The following POLG variants were observed in gnomAD, a reference collection of about 807,000 sequenced individuals.
POLG encodes DNA polymerase gamma, catalytic subunit.
Under a neutral mutation model 155.4 loss-of-function variants are expected in POLG, and 110 were observed. That is an observed-to-expected ratio of 0.71 (90% confidence interval 0.61 to 0.83). The LOEUF is 0.83. Ranked by LOEUF, POLG falls within the 40% of genes least tolerant of loss-of-function variation. The probability of loss-of-function intolerance (pLI) is 0.00; values close to 1 mark genes in which losing one functional copy is unlikely to be tolerated. For synonymous variants in POLG, 701 were observed against 631.5 expected (o/e 1.11, Z -1.65); for missense variants, 1,685 against 1,627.5 (o/e 1.04, Z -0.61).
chr15:89,325,315 T>TGTGTG (rs1555453409), intron 10 of POLG, 135 bp downstream of exon 10: 61 of 690,308 alleles, frequency 8.8e-5, no homozygotes, highest in East Asian at 1.7e-4. Context: ...TGTGTGTGTG[T>TGTGTG]TAATTTTTTT....
At chr15:89,318,509 T>C in intron 21 of POLG, 32 bp downstream of exon 21, 2 of 1,596,372 alleles carry the variant, frequency 1.3e-6, no homozygotes, top group Non-Finnish European at 1.7e-6. Flanking sequence ...TAGGAGCACA[T>C]GGCCAGGCTA....
chr15:89,319,315 C>G lies in POLG; in HGVS notation c.3017G>C (p.Arg1006Thr). 6.2e-7 allele frequency: 1 copy of G among 1,614,168 alleles called. No individual in the cohort carries two copies. The part of the protein sequence containing the change: ...RLSDEGEWLV[R>T]ELNLPVDRTE... ...CCTGTCCACTGGGAGGTTCAACTCCCTCACCAGCCACTCGCCCTCATCCGA... is the reference window on the plus strand; with the variant it reads ...CCTGTCCACTGGGAGGTTCAACTCCGTCACCAGCCACTCGCCCTCATCCGA... Residue 1006 changes from arginine (R) to threonine (T), a missense_variant, in exon 19 of 23, where the codon AGG (arginine) becomes ACG (threonine). By Grantham distance (71) the Arg-to-Thr change is moderately conservative. Around this residue, in one of 3 missense-constraint regions of POLG, gnomAD observed 470 missense variants for 439.9 expected, o/e 1.07. Transcript: ENST00000268124.
At position 89,327,229 on chromosome 15, in the gene POLG, C is replaced by G. The variant is rs1567191387; in HGVS notation, c.1371G>C (p.Arg457=). 6.2e-7 allele frequency: 1 copy of G among 1,614,130 alleles called. No homozygotes were observed. The highest frequency in any genetic ancestry group is 1.1e-5 in the South Asian group (1 of 91,092). ...GATCCATCAACGACTTCTTCATCTC[C>G]CGCTGGAGCTCCTCATAAGTGCCCT... The part of the protein sequence containing the change: ...EAQGTYEELQ[R]EMKKSLMDLA... Residue 457 remains arginine (R), a synonymous_variant, in exon 7 of 23, where the codon CGG becomes CGC. Transcript: ENST00000268124.
Position 89,333,196 on chromosome 15 carries a change from C to T in POLG, c.559G>A (p.Val187Met). The change falls in exon 2 of 23, where the codon GTG (valine) becomes ATG (methionine). Residue 187 changes from valine to methionine, a missense_variant. By Grantham distance (21) the Val-to-Met change is conservative (BLOSUM62 1). This residue lies in a region of POLG where 1,210 missense variants were observed against 1,167.1 expected (regional missense o/e 1.04). Coordinates refer to ENST00000268124, the MANE Select transcript of POLG (RefSeq NM_002693.3). ...AGGGCCCGCTCCTCGGGGATGGCCA[C>T]GGGTACGGCCTCCCCCTCGGGGCCG... ...RYGPEGEAVP[V>M]AIPEERALVF... The T allele has an allele frequency of 6.4e-7, 1 of 1,571,338 alleles. No individual in the cohort carries two copies.
intron 2 of POLG, among the ~76,000 whole-genome samples, chr15:89,331,814 G>C (rs2055597731): frequency 6.7e-6 from 1 of 149,474 alleles, no homozygotes; most frequent in Admixed American, 6.7e-5. Flanking sequence ...GAAGGTCCCA[G>C]CATGAGCCCA....
rs368137494 is a variant in POLG at position 89,333,430 on chromosome 15, T to C, written c.325A>G (p.Lys109Glu). The stretch of plus-strand genomic sequence containing the variant: ...GCTGGCTGCCCCCAGAGCCCGTGCT[T>C]CTGCAGGTGCTCGACGCTGCGGCGC... The part of the protein sequence containing the change: ...AVRRSVEHLQ[K>E]HGLWGQPAVP... The change falls in exon 2 of 23, where the codon AAG becomes GAG. Residue 109 changes from lysine (K) to glutamate (E), a missense_variant. By Grantham distance (56) the Lys-to-Glu change is moderately conservative. This residue lies in a region of POLG where 1,210 missense variants were observed against 1,167.1 expected (regional missense o/e 1.04). Transcript: ENST00000268124. 4.4e-6 allele frequency: 7 copies of C among 1,608,906 alleles called. No homozygotes were observed. Among genetic ancestry groups the C allele is most frequent in the African/African-American group, 4.0e-5 (3 of 75,036 alleles).
chr15:89,318,891 C>A, intron 20 of POLG, 40 bp downstream of exon 20: 1 of 1,612,360 alleles, frequency 6.2e-7, no homozygotes. Flanking sequence ...CCTGCCCTCC[C>A]TGGGGCCCCT....
chr15:89,331,308 C>T (rs145427032), intron 2 of POLG, among the ~76,000 whole-genome samples: 2 of 152,116 alleles, frequency 1.3e-5, no homozygotes, highest in East Asian at 1.9e-4. Flanking sequence ...CACCCCCCCA[C>T]ATTTTAATTC....
chr15:89,318,723 C>T lies in POLG; in HGVS notation c.3300G>A (p.Val1100=). The change falls in exon 21 of 23, where the codon GTG becomes GTA. Residue 1100 remains valine (V), a synonymous_variant. Coordinates refer to ENST00000268124, the MANE Select transcript of POLG (RefSeq NM_002693.3). ...EEFMTSRVNW[V]VQSSAVDYLH... ...AGTAGTCAACAGCAGAGCTCTGTAC[C>T]ACCCAATTCACACGGCTGGTCATAA... is the stretch of plus-strand genomic sequence containing the variant. The T allele has an allele frequency of 6.2e-7, 1 of 1,614,170 alleles. No homozygotes were observed. The highest frequency in any genetic ancestry group is 1.1e-5 in the South Asian group (1 of 91,086).
At chr15:89,322,104 C>T (rs1410631019) in intron 14 of POLG, 89 bp from the exon 15 acceptor site, 1 of 1,222,790 alleles carries the variant, frequency 8.2e-7, no homozygotes, top group Non-Finnish European at 1.2e-6. Context: ...TGCCCACCTC[C>T]AGGACTGCTA....
At position 89,325,165 on chromosome 15, in the gene POLG, AGT is replaced by A. The variant is rs1269207882; in HGVS notation, c.1949+283_1949+284del. Reference sequence around the variant, plus strand: ...GAGAGAGTGAGTGAGTGAGTGAGTGAGTGAGAGAGTGAGAGAGTGAGTGAGTG... The same window carrying A: ...GAGAGAGTGAGTGAGTGAGTGAGTGAGAGAGAGTGAGAGAGTGAGTGAGTG... On this transcript the variant is annotated intron_variant, in intron 10 of 22. Coordinates refer to ENST00000268124, the MANE Select transcript of POLG (RefSeq NM_002693.3). Among the ~76,000 whole-genome samples the A allele has an allele frequency of 1.8e-3, 166 of 90,308 alleles. 27 individuals are homozygous for A. The highest frequency in any genetic ancestry group is 0.015 in the East Asian group (40 of 2,732). 59.2% of individuals were successfully genotyped at this position (90,308 alleles called of 152,430 possible).
chr15:89,325,175 T>TGAGTGAGA (rs2055482342), intron 10 of POLG, among the ~76,000 whole-genome samples: 3 of 49,420 alleles, frequency 6.1e-5, no homozygotes, highest in Admixed American at 2.0e-4. Context: ...AGTGAGAGAG[T>TGAGTGAGA]GAGAGAGTGA....
chr15:89,319,012 A>G lies in POLG; in HGVS notation c.3192T>C (p.Ile1064=). Residue 1064 remains isoleucine (I), a synonymous_variant, in exon 20 of 23, where the codon ATT becomes ATC. Coordinates refer to ENST00000268124, the MANE Select transcript of POLG (RefSeq NM_002693.3). ...ESEMFNKLES[I]ATSDIPRTPV... is the part of the protein sequence containing the mutation. ...GGGTACGTGGTATGTCAGACGTAGC[A>G]ATGCTCTCAAGCTTATTGAACATTT... 1 of 1,614,124 alleles carries G rather than the reference A, an allele frequency of 6.2e-7. No homozygotes were observed. The highest frequency in any genetic ancestry group is 1.7e-5 in the Admixed American group (1 of 60,016).
intron 10 of POLG, 151 bp downstream of exon 10, chr15:89,325,299 G>GA (rs2055498559): frequency 2.2e-6 from 1 of 444,876 alleles, no homozygotes; most frequent in African/African-American, 4.7e-5. Context: ...AGAGAGAGAG[G>GA]GTGTGTGTGT....
At chr15:89,324,414 T>C (rs1596355101) in intron 10 of POLG, 187 bp from the exon 11 acceptor site, 6 of 704,074 alleles carry the variant, frequency 8.5e-6, no homozygotes, top group East Asian at 2.8e-5. Flanking sequence ...GACAGCACCC[T>C]GGCAGCAGGC....
In POLG at chr15:89,326,736, G is replaced by C; in HGVS notation, c.1588C>G (p.Leu530Val). Residue 530 changes from leucine to valine, a missense_variant and splice_region_variant, in exon 9 of 23, where the codon CTC becomes GTC. Leu to Val is a conservative substitution (Grantham distance 32, BLOSUM62 1). Transcript: ENST00000268124. ...TCCTCCTCCTCACTGCAGGGGCCGA[G>C]GTCTGTGAGGGTGGGGGAAGACAAT... ...APGDPMDQED[L>V]GPCSEEEEFQ... 1.9e-6 allele frequency: 3 copies of C among 1,614,008 alleles called. No homozygotes were observed. The highest frequency in any genetic ancestry group is 2.5e-6 in the Non-Finnish European group (3 of 1,180,032).
At chr15:89,331,659 G>A (rs1046647961) in intron 2 of POLG, among the ~76,000 whole-genome samples, 9 of 152,176 alleles carry the variant, frequency 5.9e-5, no homozygotes, top group Admixed American at 1.3e-4. Context: ...GCTGACTACC[G>A]CTTCTCCTCC....
Position 89,330,068 on chromosome 15 carries a change from C to T in POLG, c.855+13G>A, listed in dbSNP as rs781130753. ...CCCATGCCAGAACCTGCAGTTGGCC[C>T]CAGGAACCTTACCTGGATCAGGTAC... On this transcript the variant is annotated intron_variant, in intron 3 of 22. Coordinates refer to ENST00000268124, the MANE Select transcript of POLG (RefSeq NM_002693.3). 6.2e-7 allele frequency: 1 copy of T among 1,612,072 alleles called. No homozygotes were observed. Among genetic ancestry groups the T allele is most frequent in the Non-Finnish European group, 8.5e-7 (1 of 1,178,126 alleles).
Position 89,329,058 on chromosome 15 carries a change from C to T in POLG, c.908G>A (p.Gly303Glu). 6.2e-7 allele frequency: 1 copy of T among 1,613,056 alleles called. No individual in the cohort carries two copies. Among genetic ancestry groups the T allele is most frequent in the Non-Finnish European group, 8.5e-7 (1 of 1,180,022 alleles). The change falls in exon 4 of 23, where the codon GGG becomes GAG. Residue 303 changes from glycine to glutamate, a missense_variant. Transcript: ENST00000268124. ...DTMSMHMAIS[G>E]LSSFQRSLWI... ...CAGACTGCGCTGGAAGCTGCTTAGC[C>T]CTGAGATGGCCATGTGCATGCTCAT...
Sources: gnomAD v4.1 joint callset for allele counts (sites outside exome capture counted in the v4.1 genomes callset) on GRCh38, gnomAD v4.1.1 for gene constraint, gnomAD v4.1.1 regional missense constraint, MANE v1.5 for transcripts, NCBI Gene and HGNC (gene_info 2026-07-23, HGNC 2026-07-21) for gene names.